Variants in GMDS observed in about 807,000 individuals in gnomAD.
The protein encoded by GMDS is GDP-mannose 4,6-dehydratase, also known as GDP-mannose 4,6 dehydratase.
GMDS carries 20 observed loss-of-function variants against 49.9 expected under a neutral mutation model. That is an observed-to-expected ratio of 0.40 (90% confidence interval 0.28 to 0.58). The LOEUF (loss-of-function observed/expected upper bound fraction) is 0.58, where lower values mean the gene tolerates loss of function less well. Among genes scored for constraint, GMDS ranks in the 20% least tolerant of loss-of-function variants. The probability of loss-of-function intolerance (pLI) is 0.42; values close to 1 mark genes in which losing one functional copy is unlikely to be tolerated. For missense variants in GMDS, 362 were observed against 481.4 expected (o/e 0.75, Z 2.32); for synonymous variants, 177 against 178.6 (o/e 0.99, Z 0.07).
chr6:2,139,434 C>A (rs1047768349), intron 1 of GMDS, among the ~76,000 whole-genome samples: 1 of 152,228 alleles, frequency 6.6e-6, no homozygotes, highest in Non-Finnish European at 1.5e-5. Flanking sequence ...ATATCGTGCA[C>A]TGCTTCCATC....
intron 1 of GMDS, among the ~76,000 whole-genome samples, chr6:2,125,631 T>A (rs1465640019): frequency 6.6e-6 from 1 of 151,628 alleles, no homozygotes; most frequent in African/African-American, 2.4e-5. Context: ...GGGAAGGGGA[T>A]AAGATGGGAA....
intron 4 of GMDS, among the ~76,000 whole-genome samples, chr6:2,013,925 C>CATATATATATATATATATATATACAT (rs1767722609): frequency 8.0e-6 from 1 of 125,124 alleles, no homozygotes; most frequent in Admixed American, 8.0e-5. Context: ...GGATAAAAAC[C>CATATATATATATATATATATATACAT]ATATATATAT....
At chr6:2,146,908 C>A (rs563183047) in intron 1 of GMDS, among the ~76,000 whole-genome samples, 1 of 152,096 alleles carries the variant, frequency 6.6e-6, no homozygotes, top group Non-Finnish European at 1.5e-5. Context: ...TTTCAGCCAG[C>A]CTTTTGGAGA....
intron 9 of GMDS, among the ~76,000 whole-genome samples, chr6:1,644,090 G>A (rs1376227518): frequency 6.6e-6 from 1 of 152,144 alleles, no homozygotes; most frequent in Non-Finnish European, 1.5e-5. Flanking sequence ...TGCTCTTCTG[G>A]CAAGGAACCC....
chr6:1,930,981 C>T (rs1342857310), intron 6 of GMDS: 3 of 152,182 alleles, frequency 2.0e-5, no homozygotes, highest in South Asian at 4.1e-4. Flanking sequence ...TTGATGAAAG[C>T]ACTGAAATTG....
chr6:1,907,276 T>C (rs1760825701), intron 7 of GMDS, among the ~76,000 whole-genome samples: 1 of 152,098 alleles, frequency 6.6e-6, no homozygotes, highest in Non-Finnish European at 1.5e-5. Flanking sequence ...GAGGGGAAGA[T>C]GAGAAACTGG....
At chr6:1,845,688 T>TCC (rs1757370792) in intron 7 of GMDS, among the ~76,000 whole-genome samples, 1 of 152,134 alleles carries the variant, frequency 6.6e-6, no homozygotes, top group African/African-American at 2.4e-5. Context: ...ATGAAACTGT[T>TCC]CCACCTCAGA....
At chr6:1,928,287 C>T (rs977991772) in intron 7 of GMDS, among the ~76,000 whole-genome samples, 1 of 151,846 alleles carries the variant, frequency 6.6e-6, no homozygotes, top group Non-Finnish European at 1.5e-5. Context: ...ATCGCTTGAA[C>T]CCGGGAGGCA....
chr6:2,151,234 G>A (rs972461525), intron 1 of GMDS, among the ~76,000 whole-genome samples: 3 of 151,968 alleles, frequency 2.0e-5, no homozygotes, highest in Admixed American at 6.6e-5. Flanking sequence ...CATTTACCCT[G>A]ATGTGATTAT....
intron 9 of GMDS, among the ~76,000 whole-genome samples, chr6:1,697,044 T>C (rs1765368867): frequency 6.6e-6 from 1 of 152,212 alleles, no homozygotes; most frequent in South Asian, 2.1e-4. Flanking sequence ...CAGAGAAGTA[T>C]GTCTGTCACA....
chr6:2,214,707 G>T (rs1398910602), intron 1 of GMDS, among the ~76,000 whole-genome samples: 1 of 152,050 alleles, frequency 6.6e-6, no homozygotes, highest in East Asian at 1.9e-4. Context: ...AAGAGACAAG[G>T]TCTCACTATG....
intron 10 of GMDS, 54 bp from the exon 11 acceptor site, chr6:1,624,285 A>G: frequency 6.5e-7 from 1 of 1,533,810 alleles, no homozygotes; most frequent in South Asian, 1.1e-5. Flanking sequence ...TCTCCTGGTG[A>G]CACCCCACCC....
chr6:1,791,101 T>C (rs1339278152), intron 7 of GMDS, among the ~76,000 whole-genome samples: 1 of 152,158 alleles, frequency 6.6e-6, no homozygotes, highest in Non-Finnish European at 1.5e-5. Context: ...AGGTGGCCTC[T>C]AGAAACTGGA....
At chr6:2,008,271 A>C (rs991141137) in intron 4 of GMDS, among the ~76,000 whole-genome samples, 1 of 152,210 alleles carries the variant, frequency 6.6e-6, no homozygotes, top group Admixed American at 6.5e-5. Flanking sequence ...ACATCGTTTT[A>C]AATGTAAAAT....
intron 7 of GMDS, among the ~76,000 whole-genome samples, chr6:1,764,039 C>T (rs150474158): frequency 1.4e-4 from 22 of 152,048 alleles, no homozygotes; most frequent in Non-Finnish European, 2.5e-4. Context: ...GCTGCTTGTC[C>T]GGTACATCTC....
intron 9 of GMDS, among the ~76,000 whole-genome samples, chr6:1,718,248 T>C (rs1336331802): frequency 6.6e-6 from 1 of 152,116 alleles, no homozygotes; most frequent in East Asian, 1.9e-4. Flanking sequence ...TTCTCTACAC[T>C]AGGCCTCCAG....
chr6:2,101,752 C>A (rs555644163), intron 4 of GMDS, among the ~76,000 whole-genome samples: 1 of 152,002 alleles, frequency 6.6e-6, no homozygotes, highest in Non-Finnish European at 1.5e-5. Flanking sequence ...TTCCACTAAC[C>A]ATTAACACTT....
intron 4 of GMDS, among the ~76,000 whole-genome samples, chr6:2,078,071 A>G (rs888152740): frequency 3.3e-5 from 5 of 152,068 alleles, no homozygotes; most frequent in Non-Finnish European, 7.4e-5. Context: ...GTTAGTGTGT[A>G]GCTGTTCATG....
At chr6:2,176,320 C>G (rs1778283599) in intron 1 of GMDS, among the ~76,000 whole-genome samples, 1 of 152,024 alleles carries the variant, frequency 6.6e-6, no homozygotes, top group African/African-American at 2.4e-5. Context: ...ATTCCAAGCA[C>G]TTAAGACAAT....
Sources: allele counts gnomAD v4.1 joint callset (sites outside exome capture counted in the v4.1 genomes callset), GRCh38; gene constraint gnomAD v4.1.1; transcripts MANE v1.5; gene names NCBI Gene and HGNC (gene_info 2026-07-23, HGNC 2026-07-21).